NRG3: variants seen among roughly 807,000 people sequenced by gnomAD.
NRG3 encodes neuregulin 3.
A neutral mutation model predicts 66.9 loss-of-function variants in NRG3; 31 were observed. That is an observed-to-expected ratio of 0.46 (90% confidence interval 0.35 to 0.63). The LOEUF is 0.63. NRG3 is among the 20% of genes least tolerant of loss of function. NRG3 has a pLI of 0.00. For synonymous variants in NRG3, 393 were observed against 359.4 expected, an observed-to-expected ratio of 1.09 and a Z score of -1.06; for missense variants, 910 against 878.9, an observed-to-expected ratio of 1.04 and a Z score of -0.45.
rs540712714 is a variant in NRG3 at position 81,908,991 on chromosome 10, G to C, written c.823+32828G>C. Among the ~76,000 whole-genome samples the C allele has an allele frequency of 2.6e-5, 4 of 152,236 alleles. No homozygotes were observed. In the East Asian group the frequency reaches 7.8e-4, roughly 30 times the overall value. ...TACAATAAAGTAGCACAAACCAGGT[G>C]GCTTAAAACAATAGAAGTGTATTCT... is the stretch of plus-strand genomic sequence containing the variant. On this transcript the variant is annotated intron_variant, in intron 1 of 8. Transcript: ENST00000372141.
chr10:82,779,954 G>A (rs1397900656), intron 3 of NRG3, among the ~76,000 whole-genome samples: 1 of 138,248 alleles, frequency 7.2e-6, no homozygotes, highest in Non-Finnish European at 1.5e-5. Flanking sequence ...TCCCACTTAT[G>A]AGTGAGAACA....
intron 1 of NRG3, among the ~76,000 whole-genome samples, chr10:82,120,468 C>T (rs921559661): frequency 1.3e-5 from 2 of 152,082 alleles, no homozygotes; most frequent in Middle Eastern, 3.2e-3. Flanking sequence ...AGCTTATTAA[C>T]CCAGGGTTTA....
At chr10:82,074,736 C>T (rs1219778629) in intron 1 of NRG3, among the ~76,000 whole-genome samples, 4 of 152,100 alleles carry the variant, frequency 2.6e-5, no homozygotes, top group African/African-American at 4.8e-5. Flanking sequence ...ACTTAGGAGG[C>T]GGAAGCAAGA....
At chr10:82,924,086 CAAAA>C (rs3075657) in intron 4 of NRG3, among the ~76,000 whole-genome samples, 2 of 69,286 alleles carry the variant, frequency 2.9e-5, no homozygotes, top group African/African-American at 1.1e-4. Flanking sequence ...GAGACTGTCT[CAAAA>C]AAAAAAAAAA....
intron 1 of NRG3, among the ~76,000 whole-genome samples, chr10:82,166,041 T>C (rs2072030438): frequency 6.6e-6 from 1 of 152,000 alleles, no homozygotes; most frequent in Admixed American, 6.5e-5. Context: ...ATTTTTTTTG[T>C]GATGGAGTTT....
At chr10:82,000,508 A>G (rs2061121487) in intron 1 of NRG3, among the ~76,000 whole-genome samples, 1 of 152,150 alleles carries the variant, frequency 6.6e-6, no homozygotes, top group African/African-American at 2.4e-5. Context: ...AGGGTCATGT[A>G]TCACCCTTAG....
chr10:82,050,285 T>C (rs957719157), intron 1 of NRG3, among the ~76,000 whole-genome samples: 2 of 152,028 alleles, frequency 1.3e-5, no homozygotes, highest in Non-Finnish European at 2.9e-5. Flanking sequence ...CAAAAGTAAT[T>C]GAGGTTTTTG....
chr10:82,595,327 G>T (rs768737724), intron 2 of NRG3, among the ~76,000 whole-genome samples: 6 of 152,102 alleles, frequency 3.9e-5, no homozygotes, highest in Non-Finnish European at 4.4e-5. Context: ...AAGCTACTAC[G>T]ACATGTTTAT....
chr10:82,124,951 T>C (rs1232125570), intron 1 of NRG3, among the ~76,000 whole-genome samples: 2 of 151,940 alleles, frequency 1.3e-5, no homozygotes, highest in Non-Finnish European at 2.9e-5. Context: ...TACTCAGAAA[T>C]GACATCAAAA....
chr10:81,899,195 C>A (rs12268683), intron 1 of NRG3, among the ~76,000 whole-genome samples: 10,565 of 152,168 alleles, frequency 0.069, 846 homozygotes, highest in East Asian at 0.21. Context: ...AGAGCTGTTA[C>A]AAGAATTAAA....
chr10:82,547,313 T>C (rs1590614016), intron 2 of NRG3, among the ~76,000 whole-genome samples: 1 of 151,770 alleles, frequency 6.6e-6, no homozygotes, highest in Admixed American at 6.6e-5. Flanking sequence ...CTAGGTCTTC[T>C]GTATAGAAAT....
intron 1 of NRG3, among the ~76,000 whole-genome samples, chr10:81,987,987 C>G (rs2060589584): frequency 6.6e-6 from 1 of 152,136 alleles, no homozygotes; most frequent in Non-Finnish European, 1.5e-5. Flanking sequence ...ACAAGATTCA[C>G]TTTTTGGTTA....
At chr10:82,025,833 GT>G (rs1257673222) in intron 1 of NRG3, among the ~76,000 whole-genome samples, 1 of 152,028 alleles carries the variant, frequency 6.6e-6, no homozygotes, top group East Asian at 1.9e-4. Context: ...ATTTTGGATA[GT>G]TTTTTGTTTT....
intron 3 of NRG3, among the ~76,000 whole-genome samples, chr10:82,848,847 A>G (rs1232077925): frequency 6.6e-6 from 1 of 152,030 alleles, no homozygotes; most frequent in Non-Finnish European, 1.5e-5. Context: ...TCCCCTGCAC[A>G]TGTTCTCTTG....
chr10:82,500,757 G>T (rs540120278), intron 2 of NRG3, among the ~76,000 whole-genome samples: 42 of 152,238 alleles, frequency 2.8e-4, no homozygotes, highest in African/African-American at 9.6e-4. Flanking sequence ...TGTCTAAGGG[G>T]TACTCATCTT....
chr10:82,663,367 GA>G, intron 2 of NRG3, among the ~76,000 whole-genome samples: 1 of 152,188 alleles, frequency 6.6e-6, no homozygotes, highest in Non-Finnish European at 1.5e-5. Flanking sequence ...TTTTGTATGA[GA>G]CAAACAAAAG....
intron 1 of NRG3, among the ~76,000 whole-genome samples, chr10:81,910,322 G>T (rs556121379): frequency 6.6e-6 from 1 of 152,134 alleles, no homozygotes; most frequent in Admixed American, 6.5e-5. Flanking sequence ...TTTGCAAGAA[G>T]GTAGCAAACC....
In NRG3 at chr10:82,400,018, A is replaced by G. The variant is rs181632750; in HGVS notation, c.953+41150A>G. Among the ~76,000 whole-genome samples the G allele has an allele frequency of 7.9e-4, 121 of 152,256 alleles. 2 individuals carry two copies. Among genetic ancestry groups the G allele is most frequent in the Admixed American group, 6.4e-3 (98 of 15,288 alleles). ...AAATTGATGTCTGCCCTTAAGGGAG[A>G]TGAATGGGAGAAGATAACTAGCAGT... On this transcript the variant is annotated intron_variant, in intron 2 of 8. Coordinates refer to ENST00000372141, the MANE Select transcript of NRG3 (RefSeq NM_001010848.4).
chr10:81,905,487 G>A (rs1007844527), intron 1 of NRG3, among the ~76,000 whole-genome samples: 10 of 152,154 alleles, frequency 6.6e-5, no homozygotes, highest in Non-Finnish European at 1.2e-4. Context: ...GAATCAGAGA[G>A]GAGTTGAAAA....
Sources: gnomAD v4.1 joint callset for allele counts (sites outside exome capture counted in the v4.1 genomes callset) on GRCh38, gnomAD v4.1.1 for gene constraint, MANE v1.5 for transcripts, NCBI Gene and HGNC (gene_info 2026-07-23, HGNC 2026-07-21) for gene names.